The following COL22A1 variants were observed in gnomAD, a reference collection of about 807,000 sequenced individuals.
COL22A1 encodes the protein collagen type XXII alpha 1 chain.
In COL22A1, 221 loss-of-function variants were observed where a neutral mutation model predicts 248.9. The ratio of observed to expected loss-of-function variants is 0.89; its 90% confidence interval spans 0.80 to 0.99. The LOEUF (loss-of-function observed/expected upper bound fraction) is 0.99. COL22A1 is among the 50% of genes least tolerant of loss of function. The pLI, the probability that COL22A1 is intolerant of heterozygous loss-of-function variation, is 0.00. For missense variants in COL22A1, 2,240 were observed against 2,179.0 expected, an observed-to-expected ratio of 1.03 and a Z score of -0.56; for synonymous variants, 891 against 793.4, an observed-to-expected ratio of 1.12 and a Z score of -2.07.
chr8:138,902,566 T>C (rs13249597), intron 1 of COL22A1, among the ~76,000 whole-genome samples: 53,497 of 151,024 alleles, frequency 0.35, 11,140 homozygotes, highest in African/African-American at 0.59. Flanking sequence ...ATTAGCCAGG[T>C]GTGGTGGTGG....
intron 27 of COL22A1, among the ~76,000 whole-genome samples, chr8:138,719,279 A>T (rs7007617): frequency 0.5 from 76,120 of 151,992 alleles, 19,336 homozygotes; most frequent in African/African-American, 0.58. Context: ...AAATTACATG[A>T]CATCACATTT....
chr8:138,811,358 CAT>C (rs10566310), intron 9 of COL22A1, among the ~76,000 whole-genome samples: 42,016 of 150,682 alleles, frequency 0.28, 6,135 homozygotes, highest in African/African-American at 0.35. Context: ...TATATACACA[CAT>C]ATATATATAT....
At chr8:138,661,648 T>G (rs1313214591) in intron 43 of COL22A1, among the ~76,000 whole-genome samples, 4 of 152,064 alleles carry the variant, frequency 2.6e-5, no homozygotes, top group Non-Finnish European at 5.9e-5. Context: ...TCTGCGGAAT[T>G]CCATGGAAAA....
chr8:138,905,123 G>A (rs919121841), intron 1 of COL22A1, among the ~76,000 whole-genome samples: 3 of 152,170 alleles, frequency 2.0e-5, no homozygotes, highest in Non-Finnish European at 2.9e-5. Context: ...CAAACTCTAA[G>A]CTCTTGATAA....
intron 2 of COL22A1, among the ~76,000 whole-genome samples, chr8:138,878,730 G>A (rs1476015148): frequency 6.6e-6 from 1 of 152,210 alleles, no homozygotes; most frequent in East Asian, 1.9e-4. Context: ...GTTTTAGGCT[G>A]GGCGCGGTGG....
chr8:138,829,320 C>T (rs1819840310), intron 5 of COL22A1, among the ~76,000 whole-genome samples: 1 of 151,978 alleles, frequency 6.6e-6, no homozygotes, highest in African/African-American at 2.4e-5. Flanking sequence ...CCTGCATCCA[C>T]AGACACACGC....
chr8:138,660,687 T>C (rs375743665), intron 43 of COL22A1, among the ~76,000 whole-genome samples: 1 of 152,022 alleles, frequency 6.6e-6, no homozygotes, highest in African/African-American at 2.4e-5. Context: ...AATTCGACAA[T>C]GACAACCAAT....
chr8:138,741,101 C>T (rs1831523803), intron 22 of COL22A1, among the ~76,000 whole-genome samples: 1 of 152,232 alleles, frequency 6.6e-6, no homozygotes, highest in Non-Finnish European at 1.5e-5. Context: ...CTTAGCTCAG[C>T]CCCAAATACC....
chr8:138,637,250 C>A (rs1013259497), intron 47 of COL22A1, among the ~76,000 whole-genome samples: 2 of 152,060 alleles, frequency 1.3e-5, no homozygotes, highest in Non-Finnish European at 2.9e-5. Flanking sequence ...GGAAAAGAGG[C>A]AGAATAAACC....
Position 138,781,006 on chromosome 8 carries a change from A to G in COL22A1, c.1597-26T>C, listed in dbSNP as rs1348216990. On this transcript the variant is annotated intron_variant, in intron 12 of 64. Coordinates refer to ENST00000303045, the MANE Select transcript of COL22A1 (RefSeq NM_152888.3). ...CTAAAGCCAAAAAAAGAGAATAGCAATTAGTAAAGAATAACTGAGACAGGC... is the reference window on the plus strand; with the variant it reads ...CTAAAGCCAAAAAAAGAGAATAGCAGTTAGTAAAGAATAACTGAGACAGGC... 3 of 1,541,072 alleles carry G rather than the reference A, an allele frequency of 1.9e-6. No homozygotes were observed. The South Asian group carries it at 3.5e-5, about 18-fold the overall frequency.
chr8:138,773,983 C>G (rs775014677), intron 16 of COL22A1, among the ~76,000 whole-genome samples: 8 of 152,194 alleles, frequency 5.3e-5, no homozygotes, highest in Non-Finnish European at 1.2e-4. Flanking sequence ...AGCACCAGAG[C>G]TGCACAGCAA....
At chr8:138,710,595 C>CTATATA (rs759019258) in intron 30 of COL22A1, among the ~76,000 whole-genome samples, 3 of 33,158 alleles carry the variant, frequency 9.0e-5, no homozygotes, top group Admixed American at 4.3e-4. Flanking sequence ...CATAATCTAT[C>CTATATA]TATCTATCTA....
At chr8:138,749,641 G>C (rs532859446) in intron 22 of COL22A1, among the ~76,000 whole-genome samples, 1 of 152,326 alleles carries the variant, frequency 6.6e-6, no homozygotes, top group South Asian at 2.1e-4. Flanking sequence ...AGCTGATGGT[G>C]ATATCTTCCC....
At chr8:138,624,302 G>C (rs7818269) in intron 51 of COL22A1, among the ~76,000 whole-genome samples, 107,187 of 151,978 alleles carry the variant, frequency 0.71, 41,051 homozygotes, top group Non-Finnish European at 0.85. Flanking sequence ...TATAAGCATT[G>C]TTCATTTCTG....
At chr8:138,674,680 T>C (rs537290212) in intron 41 of COL22A1, among the ~76,000 whole-genome samples, 91 of 152,278 alleles carry the variant, frequency 6.0e-4, no homozygotes, top group African/African-American at 1.6e-3. Flanking sequence ...TAAGGGCTGA[T>C]AAGGTGAATC....
intron 16 of COL22A1, among the ~76,000 whole-genome samples, chr8:138,770,699 A>T (rs1586701265): frequency 6.6e-6 from 1 of 152,176 alleles, no homozygotes; most frequent in East Asian, 1.9e-4. Context: ...CCAATACGAG[A>T]GCTGAAAAGG....
At chr8:138,596,825 CA>C (rs1817572813) in intron 62 of COL22A1, 78 bp downstream of exon 62, 1 of 1,340,956 alleles carries the variant, frequency 7.5e-7, no homozygotes, top group Non-Finnish European at 1.1e-6. Flanking sequence ...TTCCAGGATG[CA>C]AAAGCATTCA....
In COL22A1 at chr8:138,591,485, T is replaced by C; in HGVS notation, c.4632A>G (p.Lys1544=). Residue 1544 remains lysine (K), a synonymous_variant, in exon 64 of 65, where the codon AAA becomes AAG. Transcript: ENST00000303045. ...PIGPKGERGA[K]GDPGAPGVGL... Reference sequence around the variant, plus strand: ...CAACTCCAGGTGCACCTGGGTCACCTTTGGCTCCTCGCTCACCTGGGAAGA... The same window carrying C: ...CAACTCCAGGTGCACCTGGGTCACCCTTGGCTCCTCGCTCACCTGGGAAGA... 1 of 1,558,846 alleles carries C rather than the reference T, an allele frequency of 6.4e-7. No homozygotes were observed. The highest frequency in any genetic ancestry group is 1.4e-5 in the African/African-American group (1 of 72,596).
intron 30 of COL22A1, among the ~76,000 whole-genome samples, chr8:138,712,624 T>G (rs368150769): frequency 2.4e-4 from 1 of 4,184 alleles, no homozygotes; most frequent in Admixed American, 2.2e-3. Context: ...AGAGGGTACA[T>G]GTTCTATCAG....
Sources: gnomAD v4.1 joint callset for allele counts (sites outside exome capture counted in the v4.1 genomes callset) on GRCh38, gnomAD v4.1.1 for gene constraint, MANE v1.5 for transcripts, NCBI Gene and HGNC (gene_info 2026-07-23, HGNC 2026-07-21) for gene names.